TANK: variants seen among roughly 807,000 people sequenced by gnomAD.
TANK encodes TRAF family member associated NFKB activator, also known as TRAF family member-associated NF-kappa-B activator.
Under a neutral mutation model 43.6 loss-of-function variants are expected in TANK, and 15 were observed. The ratio of observed to expected loss-of-function variants is 0.34; its 90% confidence interval spans 0.23 to 0.53. The LOEUF is 0.53. TANK is among the 20% of genes least tolerant of loss of function. The pLI is 0.94. For missense variants in TANK, 417 were observed against 498.6 expected, an observed-to-expected ratio of 0.84 and a Z score of 1.56; for synonymous variants, 162 against 178.2, an observed-to-expected ratio of 0.91 and a Z score of 0.73.
intron 1 of TANK, chr2:161,137,207 T>C: frequency 1.0e-6 from 1 of 985,430 alleles, no homozygotes; most frequent in Non-Finnish European, 1.2e-6. Flanking sequence ...CCTTTGTAGT[T>C]AACGTCATAG....
chr2:161,170,908 C>T (rs969464119), intron 1 of TANK, among the ~76,000 whole-genome samples: 1 of 152,168 alleles, frequency 6.6e-6, no homozygotes, highest in African/African-American at 2.4e-5. Flanking sequence ...AGTATCTGAT[C>T]TAAATTGCCT....
chr2:161,165,242 G>T (rs911837899), intron 1 of TANK, among the ~76,000 whole-genome samples: 3 of 152,090 alleles, frequency 2.0e-5, no homozygotes, highest in Non-Finnish European at 4.4e-5. Flanking sequence ...TATGAGAATT[G>T]TTCTATTGAA....
At chr2:161,139,125 T>G (rs1683670774) in intron 1 of TANK, among the ~76,000 whole-genome samples, 1 of 152,226 alleles carries the variant, frequency 6.6e-6, no homozygotes, top group African/African-American at 2.4e-5. Flanking sequence ...GTAATTAACA[T>G]GTGATGCCTA....
intron 4 of TANK, chr2:161,223,080 T>C (rs1687430949): frequency 6.6e-6 from 1 of 152,052 alleles, no homozygotes; most frequent in African/African-American, 2.4e-5. Flanking sequence ...TAAATGTCAC[T>C]AAAGACAGAT....
intron 1 of TANK, among the ~76,000 whole-genome samples, chr2:161,177,570 A>G (rs969977209): frequency 1.3e-5 from 2 of 152,126 alleles, no homozygotes; most frequent in Non-Finnish European, 1.5e-5. Context: ...TATAAATTAT[A>G]AACTACTTAA....
At chr2:161,165,175 C>T (rs980191183) in intron 1 of TANK, among the ~76,000 whole-genome samples, 1 of 151,182 alleles carries the variant, frequency 6.6e-6, no homozygotes, top group Non-Finnish European at 1.5e-5. Flanking sequence ...AATATGAGTT[C>T]CATTTTGATG....
chr2:161,179,549 A>G (rs1483028470), intron 1 of TANK, 65 bp from the exon 2 acceptor site: 2 of 1,395,352 alleles, frequency 1.4e-6, no homozygotes, highest in Non-Finnish European at 1.9e-6. Flanking sequence ...TATCTTTAAG[A>G]TGCATTTTTA....
chr2:161,155,573 A>C (rs908119380), upstream of TANK, among the ~76,000 whole-genome samples: 1 of 152,240 alleles, frequency 6.6e-6, no homozygotes, highest in Non-Finnish European at 1.5e-5. Flanking sequence ...GTAGGCAGAC[A>C]CTATAGGTCA....
chr2:161,217,710 A>G (rs1687180428), intron 4 of TANK, among the ~76,000 whole-genome samples: 1 of 150,034 alleles, frequency 6.7e-6, no homozygotes, highest in Non-Finnish European at 1.5e-5. Context: ...CTGAGCTCCT[A>G]AAGTCTAGTT....
intron 4 of TANK, chr2:161,212,475 C>T: frequency 2.0e-6 from 2 of 985,232 alleles, no homozygotes; most frequent in African/African-American, 3.5e-5. Context: ...TTAATCCTAA[C>T]CCTTTCCTGC....
chr2:161,178,431 A>G (rs775957668), intron 1 of TANK, among the ~76,000 whole-genome samples: 2 of 151,946 alleles, frequency 1.3e-5, no homozygotes, highest in African/African-American at 4.8e-5. Flanking sequence ...TTCCATTTAT[A>G]TGCAGTGTCA....
intron 1 of TANK, among the ~76,000 whole-genome samples, chr2:161,153,754 T>C (rs372130573): frequency 3.3e-5 from 5 of 151,864 alleles, no homozygotes; most frequent in South Asian, 2.1e-4. Context: ...AGGAATTTTC[T>C]ATATTACCCA....
intron 1 of TANK, among the ~76,000 whole-genome samples, chr2:161,172,056 TG>T (rs1433502096): frequency 2.0e-5 from 3 of 152,214 alleles, no homozygotes; most frequent in Admixed American, 1.3e-4. Flanking sequence ...CTGCCAGAGT[TG>T]TTTTTCCTGT....
chr2:161,195,474 G>C (rs1476359636), intron 2 of TANK, among the ~76,000 whole-genome samples: 1 of 152,142 alleles, frequency 6.6e-6, no homozygotes, highest in Non-Finnish European at 1.5e-5. Flanking sequence ...TTAAGTTCAA[G>C]GACCTGCATT....
chr2:161,221,370 A>G (rs1447745219), intron 4 of TANK, among the ~76,000 whole-genome samples: 4 of 152,192 alleles, frequency 2.6e-5, no homozygotes, highest in Non-Finnish European at 5.9e-5. Context: ...CCTGCAGTAC[A>G]GAGCCCACTT....
Position 161,165,272 on chromosome 2 carries a change from G to A in TANK, c.-50+4786G>A, listed in dbSNP as rs182078243. On this transcript the variant is annotated intron_variant, in intron 1 of 7. Coordinates refer to ENST00000392749, the MANE Select transcript of TANK (RefSeq NM_001199135.3). ...ATTGAACAGCGAAACAACCCAATCA[G>A]GTAATAGTTTTTCCAGAGAGTGACT... 2.6e-5 allele frequency among the ~76,000 whole-genome samples: 4 copies of A among 152,150 alleles called. No homozygotes were observed. In the East Asian group the frequency reaches 7.7e-4, roughly 29 times the overall value.
chr2:161,230,812 AT>A (rs1283514591), intron 6 of TANK, among the ~76,000 whole-genome samples, 158 bp from the exon 7 acceptor site: 2 of 152,246 alleles, frequency 1.3e-5, no homozygotes, highest in African/African-American at 4.8e-5. Context: ...GACTGCTAAT[AT>A]TCTGTGTAAG....
At chr2:161,167,537 G>C (rs1015747044) in intron 1 of TANK, among the ~76,000 whole-genome samples, 1 of 152,154 alleles carries the variant, frequency 6.6e-6, no homozygotes, top group African/African-American at 2.4e-5. Flanking sequence ...AAAGGTTGAC[G>C]ACAGCTGCCT....
At chr2:161,186,682 A>C (rs1166819546) in intron 2 of TANK, among the ~76,000 whole-genome samples, 1 of 152,222 alleles carries the variant, frequency 6.6e-6, no homozygotes, top group African/African-American at 2.4e-5. Flanking sequence ...AAATTAGACA[A>C]ATGGGATTAC....
Sources: allele counts gnomAD v4.1 joint callset (sites outside exome capture counted in the v4.1 genomes callset), GRCh38; gene constraint gnomAD v4.1.1; transcripts MANE v1.5; gene names NCBI Gene and HGNC (gene_info 2026-07-23, HGNC 2026-07-21).